UBE2E3: variants seen among roughly 807,000 people sequenced by gnomAD.
The protein encoded by UBE2E3 is ubiquitin-conjugating enzyme E2 E3.
UBE2E3 carries 5 observed loss-of-function variants against 23.6 expected under a neutral mutation model. The ratio of observed to expected loss-of-function variants is 0.21; its 90% CI spans 0.11 to 0.44. The LOEUF is 0.44. UBE2E3 is among the 20% of genes least tolerant of loss of function. The pLI is 0.99. For synonymous variants in UBE2E3, 78 were observed against 87.5 expected (o/e 0.89, Z 0.60); for missense variants, 81 against 249.8 (o/e 0.32, Z 4.55).
intron 4 of UBE2E3, among the ~76,000 whole-genome samples, chr2:181,059,090 A>G (rs552337396): frequency 5.9e-5 from 9 of 151,776 alleles, no homozygotes; most frequent in Admixed American, 2.0e-4. Context: ...TAAATTTAGC[A>G]TGTTGGTTTT....
At chr2:181,000,969 A>G (rs922879217) in intron 3 of UBE2E3, among the ~76,000 whole-genome samples, 3 of 152,214 alleles carry the variant, frequency 2.0e-5, no homozygotes, top group African/African-American at 7.2e-5. Flanking sequence ...CAACATTACA[A>G]ATAATGTATG....
chr2:181,021,229 C>T (rs1286662440), intron 3 of UBE2E3, among the ~76,000 whole-genome samples: 1 of 152,050 alleles, frequency 6.6e-6, no homozygotes, highest in East Asian at 1.9e-4. Flanking sequence ...GATATTAATC[C>T]TAATGGAGTA....
chr2:181,042,158 T>TC (rs1348685934), intron 3 of UBE2E3, among the ~76,000 whole-genome samples: 2 of 152,226 alleles, frequency 1.3e-5, no homozygotes, highest in Admixed American at 1.3e-4. Flanking sequence ...GTCTACCCTA[T>TC]CCCCATCAGT....
chr2:181,042,965 C>T (rs1686560335), intron 3 of UBE2E3, among the ~76,000 whole-genome samples: 1 of 152,138 alleles, frequency 6.6e-6, no homozygotes, highest in African/African-American at 2.4e-5. Context: ...ACTGCTTCCT[C>T]TTTTATTGTT....
intron 3 of UBE2E3, among the ~76,000 whole-genome samples, chr2:181,011,500 TGGAG>T (rs1271548848): frequency 2.6e-5 from 4 of 152,118 alleles, no homozygotes; most frequent in African/African-American, 9.7e-5. Context: ...GCCTGAGTTT[TGGAG>T]GGGACATTCA....
chr2:181,019,888 G>A (rs1685619505), intron 3 of UBE2E3, among the ~76,000 whole-genome samples: 1 of 151,946 alleles, frequency 6.6e-6, no homozygotes. Flanking sequence ...CAAATATCAA[G>A]TGTATGATAC....
intron 3 of UBE2E3, among the ~76,000 whole-genome samples, chr2:180,990,404 A>G (rs1188127875): frequency 5.3e-5 from 8 of 152,276 alleles, no homozygotes; most frequent in African/African-American, 1.9e-4. Flanking sequence ...TTGCCTCTTG[A>G]ATTTTTGAAT....
intron 3 of UBE2E3, among the ~76,000 whole-genome samples, chr2:181,044,643 T>C (rs1559133440): frequency 6.6e-6 from 1 of 152,180 alleles, no homozygotes; most frequent in Non-Finnish European, 1.5e-5. Flanking sequence ...ATTATGCTGA[T>C]ATAATTTTTT....
intron 3 of UBE2E3, among the ~76,000 whole-genome samples, chr2:181,003,462 TC>T (rs1461836264): frequency 7.0e-6 from 1 of 142,094 alleles, no homozygotes; most frequent in African/African-American, 2.5e-5. Context: ...TTGAAGAACT[TC>T]CAGGGGGGAT....
At chr2:180,987,217 TC>T in intron 3 of UBE2E3, 1 of 1,060,338 alleles carries the variant, frequency 9.4e-7, no homozygotes, top group Non-Finnish European at 1.4e-6. Flanking sequence ...AATTTATACA[TC>T]AATGAGAGTC....
intron 3 of UBE2E3, among the ~76,000 whole-genome samples, chr2:181,035,405 TTA>T (rs772687409): frequency 4.6e-5 from 7 of 152,280 alleles, no homozygotes; most frequent in Non-Finnish European, 1.0e-4. Context: ...TAAAATGTAT[TTA>T]TAAAAAATAT....
intron 3 of UBE2E3, among the ~76,000 whole-genome samples, chr2:181,053,449 C>G (rs1686902004): frequency 6.6e-6 from 1 of 151,780 alleles, no homozygotes; most frequent in Non-Finnish European, 1.5e-5. Flanking sequence ...GTTAGTAACT[C>G]TTTTTATAAA....
intron 2 of UBE2E3, among the ~76,000 whole-genome samples, chr2:180,982,562 T>C (rs1372251031): frequency 6.6e-6 from 1 of 152,126 alleles, no homozygotes; most frequent in Non-Finnish European, 1.5e-5. Flanking sequence ...TTTGGGGATG[T>C]TCCTTTTATG....
intron 3 of UBE2E3, among the ~76,000 whole-genome samples, chr2:181,014,744 T>C (rs1195642647): frequency 1.3e-5 from 2 of 152,200 alleles, no homozygotes; most frequent in Non-Finnish European, 2.9e-5. Context: ...TAGTTATACA[T>C]GTTTTTGAGA....
intron 3 of UBE2E3, among the ~76,000 whole-genome samples, chr2:181,004,461 C>T (rs148862113): frequency 0.011 from 1,629 of 152,030 alleles, 33 homozygotes; most frequent in African/African-American, 0.037. Context: ...GGTGAAACCC[C>T]GTCTCTACTA....
chr2:181,050,120 A>T (rs1050555131), intron 3 of UBE2E3, among the ~76,000 whole-genome samples: 17 of 151,908 alleles, frequency 1.1e-4, no homozygotes, highest in Non-Finnish European at 5.9e-5. Flanking sequence ...TACATATCAG[A>T]ATCTGCTTAA....
chr2:181,044,985 T>C (rs1686627836), intron 3 of UBE2E3, among the ~76,000 whole-genome samples: 1 of 152,218 alleles, frequency 6.6e-6, no homozygotes, highest in African/African-American at 2.4e-5. Context: ...AGTGTTTACA[T>C]AGGACACTAA....
chr2:181,054,641 G>A (rs1365240361), intron 3 of UBE2E3, among the ~76,000 whole-genome samples: 1 of 151,702 alleles, frequency 6.6e-6, no homozygotes, highest in Non-Finnish European at 1.5e-5. Context: ...TCTTTATCAG[G>A]TACATCTTTT....
intron 3 of UBE2E3, 111 bp from the exon 4 acceptor site, chr2:181,057,582 A>T: frequency 1.2e-6 from 1 of 833,856 alleles, no homozygotes; most frequent in Non-Finnish European, 1.8e-6. Flanking sequence ...TACTTATTTT[A>T]CTTCTTATTG....
Sources: gnomAD v4.1 joint callset for allele counts (sites outside exome capture counted in the v4.1 genomes callset) on GRCh38, gnomAD v4.1.1 for gene constraint, MANE v1.5 for transcripts, NCBI Gene and HGNC (gene_info 2026-07-23, HGNC 2026-07-21) for gene names.